Variants in ESF1 observed in about 807,000 individuals in gnomAD.
The protein encoded by ESF1 is ESF1 homolog.
In ESF1, 58 loss-of-function variants were observed where a neutral mutation model predicts 92.0. That is an observed-to-expected ratio of 0.63 (90% confidence interval 0.51 to 0.78). The LOEUF is 0.78. ESF1 is among the 30% of genes least tolerant of loss of function. The pLI, the probability that ESF1 is intolerant of heterozygous loss-of-function variation, is 0.00. For missense variants in ESF1, 922 were observed against 989.1 expected (o/e 0.93, Z 0.91); for synonymous variants, 321 against 313.7 (o/e 1.02, Z -0.24).
chr20:13,770,135 C>T (rs559809557), intron 6 of ESF1, 114 bp from the exon 7 acceptor site: 4 of 605,540 alleles, frequency 6.6e-6, no homozygotes, highest in African/African-American at 3.8e-5. Flanking sequence ...AAAAGACACA[C>T]GTTTAAGAGA....
At chr20:13,730,069 T>C (rs1008310600) in intron 10 of ESF1, among the ~76,000 whole-genome samples, 1 of 151,886 alleles carries the variant, frequency 6.6e-6, no homozygotes, top group African/African-American at 2.4e-5. Flanking sequence ...TAAGAACAAG[T>C]GCTTCTGGCT....
intron 9 of ESF1, among the ~76,000 whole-genome samples, chr20:13,754,788 T>C (rs1255833083): frequency 6.6e-6 from 1 of 152,196 alleles, no homozygotes; most frequent in Admixed American, 6.5e-5. Flanking sequence ...TGGTTTCTCA[T>C]CTCAGTCACA....
At chr20:13,730,096 G>A (rs1018716826) in intron 10 of ESF1, among the ~76,000 whole-genome samples, 1 of 151,678 alleles carries the variant, frequency 6.6e-6, no homozygotes, top group Non-Finnish European at 1.5e-5. Context: ...TTTGAGACAA[G>A]AGTTTTGCTC....
At chr20:13,784,293 C>CCA (rs61258143) in intron 1 of ESF1, among the ~76,000 whole-genome samples, 3 of 147,050 alleles carry the variant, frequency 2.0e-5, no homozygotes, top group Admixed American at 6.8e-5. Flanking sequence ...AACCCCCCCC[C>CCA]AAAATGATTA....
At chr20:13,717,599 T>G in intron 12 of ESF1, 85 bp from the exon 13 acceptor site, 23 of 1,461,268 alleles carry the variant, frequency 1.6e-5, no homozygotes, top group Non-Finnish European at 2.0e-5. Context: ...AAGATATCTC[T>G]TCTAGAAAGG....
chr20:13,732,774 T>C (rs988189558), intron 10 of ESF1, among the ~76,000 whole-genome samples: 1 of 152,158 alleles, frequency 6.6e-6, no homozygotes, highest in Admixed American at 6.5e-5. Context: ...GCACTTTTAG[T>C]GGCAAAAACC....
intron 2 of ESF1, among the ~76,000 whole-genome samples, chr20:13,779,208 A>C (rs745365380): frequency 1.6e-4 from 24 of 152,132 alleles, no homozygotes; most frequent in Non-Finnish European, 4.4e-5. Context: ...CAGCTACTTC[A>C]AACAAAAAAC....
At chr20:13,763,172 GTT>G (rs1297070056) in intron 8 of ESF1, among the ~76,000 whole-genome samples, 1 of 152,040 alleles carries the variant, frequency 6.6e-6, no homozygotes, top group East Asian at 1.9e-4. Context: ...ATTTATTAAA[GTT>G]TTAAGAAATA....
In ESF1 at chr20:13,728,373, C is replaced by T. The variant is rs1400096769; in HGVS notation, c.2038+5G>A. On this transcript the variant is annotated splice_donor_5th_base_variant and intron_variant, in intron 11 of 13. Coordinates refer to ENST00000617257, the MANE Select transcript of ESF1 (RefSeq NM_001276380.2). ...GTTGAAAACTACAGATATGAGCTGG[C>T]TTACCTATTTGTTTAACTTCTTCAG... 1 of 1,606,460 alleles carries T rather than the reference C, an allele frequency of 6.2e-7. No individual in the cohort carries two copies. Among genetic ancestry groups the T allele is most frequent in the Non-Finnish European group, 8.5e-7 (1 of 1,176,478 alleles).
At chr20:13,767,360 C>T (rs1213482727) in intron 7 of ESF1, among the ~76,000 whole-genome samples, 1 of 151,960 alleles carries the variant, frequency 6.6e-6, no homozygotes, top group Non-Finnish European at 1.5e-5. Context: ...AACCCCATCT[C>T]TACATGAAAA....
intron 11 of ESF1, 100 bp downstream of exon 11, chr20:13,728,278 T>C (rs1470638105): frequency 7.0e-6 from 6 of 860,828 alleles, no homozygotes; most frequent in Admixed American, 5.5e-5. Context: ...GCTACACAAA[T>C]ACTAGCAATT....
At chr20:13,750,284 C>T (rs371085729) in intron 9 of ESF1, among the ~76,000 whole-genome samples, 3 of 152,156 alleles carry the variant, frequency 2.0e-5, no homozygotes, top group South Asian at 4.1e-4. Flanking sequence ...GTGGGTGGAT[C>T]GCCTGAAGTC....
rs2049812757 is a variant in ESF1 at position 13,714,910 on chromosome 20, C to T, written c.2520G>A (p.Glu840=). 1 of 1,601,698 alleles carries T rather than the reference C, an allele frequency of 6.2e-7. No individual in the cohort carries two copies. Among genetic ancestry groups the T allele is most frequent in the Non-Finnish European group, 8.5e-7 (1 of 1,171,280 alleles). ...MLIKSIKTKT[E]QFQARKKQKV... ...TTTGCTTTTTTCTTGCTTGAAACTG[C>T]TCTGTTTTGGTTTTTATAGATTTAA... The change falls in exon 14 of 14, where the codon GAG becomes GAA. Residue 840 remains glutamate, a synonymous_variant. Coordinates refer to ENST00000617257, the MANE Select transcript of ESF1 (RefSeq NM_001276380.2).
chr20:13,760,790 G>A (rs1199748120), intron 8 of ESF1, among the ~76,000 whole-genome samples: 9 of 150,924 alleles, frequency 6.0e-5, no homozygotes, highest in African/African-American at 1.5e-4. Flanking sequence ...CAGCCACCCC[G>A]TCTGGGAGGT....
At chr20:13,755,025 G>A (rs1978823157) in intron 9 of ESF1, among the ~76,000 whole-genome samples, 1 of 152,140 alleles carries the variant, frequency 6.6e-6, no homozygotes, top group Non-Finnish European at 1.5e-5. Flanking sequence ...TTTAGTTCCT[G>A]GTCAAATATG....
intron 4 of ESF1, 105 bp from the exon 5 acceptor site, chr20:13,772,720 A>AT: frequency 1.3e-6 from 1 of 766,326 alleles, no homozygotes; most frequent in Non-Finnish European, 2.2e-6. Context: ...GACTCAATGA[A>AT]AACAGTAAGG....
chr20:13,746,917 A>G (rs2050053089), intron 9 of ESF1, among the ~76,000 whole-genome samples: 1 of 152,198 alleles, frequency 6.6e-6, no homozygotes, highest in Non-Finnish European at 1.5e-5. Flanking sequence ...CTCTACTTTT[A>G]AAAAGACTTT....
chr20:13,738,729 C>G (rs2049992149), intron 9 of ESF1, among the ~76,000 whole-genome samples: 1 of 152,158 alleles, frequency 6.6e-6, no homozygotes, highest in African/African-American at 2.4e-5. Flanking sequence ...TCTCTCTTAA[C>G]AGGTTGCAAG....
At position 13,722,687 on chromosome 20, in the gene ESF1, A is replaced by T. The variant is rs566840143; in HGVS notation, c.2039-3703T>A. ...CAACAAAGCAAGACCCCAGCTCCAC[A>T]TTTTTTTTTTTTAAATTAGCCAGGC... On this transcript the variant is annotated intron_variant, in intron 11 of 13. Transcript: ENST00000617257. 9.1e-4 allele frequency among the ~76,000 whole-genome samples: 134 copies of T among 147,220 alleles called. 1 individual carries two copies. Among genetic ancestry groups the T allele is most frequent in the African/African-American group, 3.2e-3 (127 of 40,020 alleles).
Sources: gnomAD v4.1 joint callset for allele counts (sites outside exome capture counted in the v4.1 genomes callset) on GRCh38, gnomAD v4.1.1 for gene constraint, MANE v1.5 for transcripts, NCBI Gene and HGNC (gene_info 2026-07-23, HGNC 2026-07-21) for gene names.